IFT57: variants seen among roughly 807,000 people sequenced by gnomAD.
The protein encoded by IFT57 is intraflagellar transport 57, also known as intraflagellar transport protein 57 homolog.
IFT57 carries 59 observed loss-of-function variants against 56.8 expected under a neutral mutation model. That is an observed-to-expected ratio of 1.04 (90% confidence interval 0.84 to 1.29). IFT57 has a LOEUF of 1.29. Among genes scored for constraint, IFT57 ranks in the 50% most tolerant of loss-of-function variants. The pLI is 0.00. For missense variants in IFT57, 470 were observed against 522.1 expected, an observed-to-expected ratio of 0.90 and a Z score of 0.97; for synonymous variants, 209 against 186.1, an observed-to-expected ratio of 1.12 and a Z score of -1.00.
intron 10 of IFT57, among the ~76,000 whole-genome samples, chr3:108,162,977 C>T (rs570891517): frequency 1.8e-4 from 27 of 151,416 alleles, no homozygotes; most frequent in Non-Finnish European, 3.8e-4. Context: ...AAAGGAAATA[C>T]AAAAGGGGAA....
At chr3:108,209,902 T>C (rs1395249092) in intron 4 of IFT57, among the ~76,000 whole-genome samples, 2 of 132,200 alleles carry the variant, frequency 1.5e-5, no homozygotes, top group African/African-American at 5.7e-5. Context: ...GCCAATTCCT[T>C]AGTCTTTTTC....
Position 108,161,392 on chromosome 3 carries a change from T to A in IFT57, c.*1085A>T, listed in dbSNP as rs1268516509. On this transcript the variant is annotated 3_prime_UTR_variant, in exon 11 of 11. Coordinates refer to ENST00000264538, the MANE Select transcript of IFT57 (RefSeq NM_018010.4). ...GTATGTGAGCATGTTGGGGAATACA[T>A]CTAGAAAGAAAAAGCTAAGAAAAAA... 1.3e-5 allele frequency: 2 copies of A among 151,916 alleles called. No homozygotes were observed. Among genetic ancestry groups the A allele is most frequent in the African/African-American group, 2.4e-5 (1 of 41,376 alleles). 9.4% of individuals were successfully genotyped at this position (151,916 alleles called of 1,614,324 possible). A position where few individuals can be genotyped will look rare whatever the true frequency, so the allele number is the denominator to read the frequency against.
chr3:108,205,065 G>A (rs1159496024), intron 5 of IFT57, among the ~76,000 whole-genome samples: 2 of 152,022 alleles, frequency 1.3e-5, no homozygotes, highest in African/African-American at 4.8e-5. Flanking sequence ...ATTCATTTAA[G>A]AGGTTTTTAT....
rs748415796 is a variant in IFT57, at chr3:108,222,392, C to G, written c.-70G>C. The G allele has an allele frequency of 2.8e-6, 4 of 1,444,610 alleles. No homozygotes were observed. Among genetic ancestry groups the G allele is most frequent in the Non-Finnish European group, 3.7e-6 (4 of 1,080,812 alleles). 89.5% of individuals were successfully genotyped at this position (1,444,610 alleles called of 1,614,324 possible). ...CTGCGGCCTAAGCCGCCAGCCCTGC[C>G]GCCGCCAGTACAGCCACGACCGGTT... On this transcript the variant is annotated 5_prime_UTR_variant, in exon 1 of 11. Coordinates refer to ENST00000264538, the MANE Select transcript of IFT57 (RefSeq NM_018010.4).
chr3:108,179,287 A>G (rs2080139841), intron 6 of IFT57, among the ~76,000 whole-genome samples: 2 of 151,954 alleles, frequency 1.3e-5, no homozygotes, highest in African/African-American at 2.4e-5. Flanking sequence ...TTCCTGTGAC[A>G]TGTCTAAAAA....
At chr3:108,205,990 ATATT>A (rs2080309565) in intron 5 of IFT57, among the ~76,000 whole-genome samples, 2 of 27,156 alleles carry the variant, frequency 7.4e-5, no homozygotes, top group Non-Finnish European at 2.4e-4. Flanking sequence ...AATATATAAT[ATATT>A]TATGTTATAT....
Position 108,209,464 on chromosome 3 carries a change from A to G in IFT57, c.586-2768T>C, listed in dbSNP as rs900006252. 4.7e-4 allele frequency among the ~76,000 whole-genome samples: 71 copies of G among 152,194 alleles called. 1 individual carries two copies. The highest frequency in any genetic ancestry group is 1.5e-4 in the Non-Finnish European group (10 of 68,036). ...GTTTAAGAAGATGTACATGGATGGT[A>G]AGTTGACAAGGGGTCGACTTTTGAT... is the stretch of plus-strand genomic sequence containing the variant. On this transcript the variant is annotated intron_variant, in intron 4 of 10. Transcript: ENST00000264538.
intron 4 of IFT57, among the ~76,000 whole-genome samples, chr3:108,213,384 T>A (rs2080353754): frequency 6.6e-6 from 1 of 152,170 alleles, no homozygotes; most frequent in African/African-American, 2.4e-5. Context: ...CTGAGAATTA[T>A]CTTGAGAAAA....
At chr3:108,222,081 A>G in intron 1 of IFT57, 30 bp downstream of exon 1, 2 of 1,563,482 alleles carry the variant, frequency 1.3e-6, no homozygotes, top group Non-Finnish European at 1.7e-6. Context: ...GCTAGCAGGC[A>G]CCCGGGCGCT....
intron 6 of IFT57, among the ~76,000 whole-genome samples, chr3:108,176,533 T>A (rs2080124851): frequency 6.6e-6 from 1 of 151,866 alleles, no homozygotes; most frequent in Admixed American, 6.6e-5. Flanking sequence ...AGTTTGTACA[T>A]TAAATGAATG....
At chr3:108,169,700 A>G (rs549986593) in intron 6 of IFT57, among the ~76,000 whole-genome samples, 1 of 152,100 alleles carries the variant, frequency 6.6e-6, no homozygotes, top group South Asian at 2.1e-4. Flanking sequence ...TGTTTTCTGT[A>G]TATGGCTAGC....
At chr3:108,171,207 G>A (rs1462233746) in intron 6 of IFT57, among the ~76,000 whole-genome samples, 2 of 151,840 alleles carry the variant, frequency 1.3e-5, no homozygotes, top group Non-Finnish European at 2.9e-5. Flanking sequence ...TATTAAAGCT[G>A]CAAAGAGCCT....
rs181146776 is a variant in IFT57 at position 108,172,547 on chromosome 3, C to A, written c.778-4683G>T. On this transcript the variant is annotated intron_variant, in intron 6 of 10. Transcript: ENST00000264538. The stretch of plus-strand genomic sequence containing the variant: ...CAAGAGACTGAAGGCAGGTAGGGAC[C>A]CAGTTAGAAGGCTAATAGTCCACAT... Among the ~76,000 whole-genome samples the A allele has an allele frequency of 9.8e-4, 149 of 151,760 alleles. No individual in the cohort carries two copies. The Middle Eastern group carries it at 0.01, about 10-fold the overall frequency.
rs28562079 is a variant in IFT57 at position 108,174,393 on chromosome 3, C to T, written c.778-6529G>A. ...TGATATGTAAGGACTTGAAATCTATCTGGATCCCTGAAATAAATAACATTA... is the reference window on the plus strand; with the variant it reads ...TGATATGTAAGGACTTGAAATCTATTTGGATCCCTGAAATAAATAACATTA... On this transcript the variant is annotated intron_variant, in intron 6 of 10. Coordinates refer to ENST00000264538, the MANE Select transcript of IFT57 (RefSeq NM_018010.4). Among the ~76,000 whole-genome samples, 695 of 151,540 alleles carry T rather than the reference C, an allele frequency of 4.6e-3. 3 individuals carry two copies. Among genetic ancestry groups the T allele is most frequent in the African/African-American group, 0.016 (666 of 41,384 alleles).
chr3:108,178,500 A>C (rs1290837557), intron 6 of IFT57, among the ~76,000 whole-genome samples: 1 of 151,930 alleles, frequency 6.6e-6, no homozygotes, highest in East Asian at 1.9e-4. Context: ...TAGAGTAGAT[A>C]TTTGCAGTAC....
intron 3 of IFT57, among the ~76,000 whole-genome samples, chr3:108,216,461 GC>G (rs2080373764): frequency 6.6e-6 from 1 of 151,866 alleles, no homozygotes; most frequent in African/African-American, 2.4e-5. Flanking sequence ...CCAACCCCTC[GC>G]CCCCCAAAAT....
intron 6 of IFT57, among the ~76,000 whole-genome samples, chr3:108,189,988 A>G (rs966352470): frequency 6.6e-6 from 1 of 152,234 alleles, no homozygotes; most frequent in Admixed American, 6.5e-5. Flanking sequence ...ATGTGGAGTA[A>G]GAGGAGTGGT....
At chr3:108,183,508 C>A (rs2108314660) in intron 6 of IFT57, among the ~76,000 whole-genome samples, 1 of 152,244 alleles carries the variant, frequency 6.6e-6, no homozygotes, top group Admixed American at 6.5e-5. Flanking sequence ...CCTTAACCAG[C>A]CAGTCACATA....
At chr3:108,205,975 TATA>T (rs2080309228) in intron 5 of IFT57, among the ~76,000 whole-genome samples, 1 of 34,082 alleles carries the variant, frequency 2.9e-5, no homozygotes, top group African/African-American at 6.5e-5. Context: ...TATATATTTA[TATA>T]TAATATATAA....
Sources: allele counts gnomAD v4.1 joint callset (sites outside exome capture counted in the v4.1 genomes callset), GRCh38; gene constraint gnomAD v4.1.1; transcripts MANE v1.5; gene names NCBI Gene and HGNC (gene_info 2026-07-23, HGNC 2026-07-21).